DPP6: variants seen among roughly 807,000 people sequenced by gnomAD.
The protein encoded by DPP6 is A-type potassium channel modulatory protein DPP6.
A neutral mutation model predicts 122.6 loss-of-function variants in DPP6; 69 were observed. That is an observed-to-expected ratio of 0.56 (90% CI 0.46 to 0.69). The LOEUF is 0.69. DPP6 is among the 30% of genes least tolerant of loss of function. The pLI is 0.00. For missense variants in DPP6, 928 were observed against 1,116.9 expected (o/e 0.83, Z 2.41); for synonymous variants, 418 against 433.1 (o/e 0.97, Z 0.43).
At chr7:154,465,412 A>C (rs1213211099) in intron 2 of DPP6, among the ~76,000 whole-genome samples, 3 of 152,138 alleles carry the variant, frequency 2.0e-5, no homozygotes, top group Non-Finnish European at 2.9e-5. Flanking sequence ...TATCTTCAAG[A>C]GTGAACAGGC....
intron 1 of DPP6, among the ~76,000 whole-genome samples, chr7:154,010,298 C>T (rs1798100953): frequency 6.6e-6 from 1 of 152,258 alleles, no homozygotes; most frequent in African/African-American, 2.4e-5. Flanking sequence ...TTCATCTGAG[C>T]TATCAGGAAG....
intron 16 of DPP6, among the ~76,000 whole-genome samples, chr7:154,810,871 G>GA (rs1799016394): frequency 6.6e-6 from 1 of 152,170 alleles, no homozygotes; most frequent in Non-Finnish European, 1.5e-5. Flanking sequence ...CCAATGCCTG[G>GA]ATCCCTATAA....
In DPP6 at chr7:154,111,637, G is replaced by GTGTA. The variant is rs951820073; in HGVS notation, c.243+58577_243+58578insATGT. On this transcript the variant is annotated intron_variant, in intron 1 of 25. Transcript: ENST00000377770. ...CAGGGTTTCGTGTGTGTGTGTGTGT[G>GTGTA]TGTGTGTGTGTGTGTGTGTGTTGCT... 8.8e-5 allele frequency among the ~76,000 whole-genome samples: 13 copies of GTGTA among 148,128 alleles called. No homozygotes were observed. The East Asian group carries it at 2.0e-3, about 22-fold the overall frequency.
Position 154,727,806 on chromosome 7 carries a change from G to A in DPP6, c.802G>A (p.Val268Ile), listed in dbSNP as rs1468977486. Residue 268 changes from valine (V) to isoleucine (I), a missense_variant, in exon 8 of 26, where the codon GTC (valine) becomes ATC (isoleucine). Physicochemically the swap from Val to Ile is conservative, Grantham distance 29. Transcript: ENST00000377770. ...AAACAATATCTACTACTGTGCACAT[G>A]TCGGGAAACAGGCCATCCGTGTGGT... ...FENNIYYCAHVGKQAIRVVST... is the reference protein window; with the variant it reads ...FENNIYYCAHIGKQAIRVVST... 6.2e-7 allele frequency: 1 copy of A among 1,613,726 alleles called. No individual in the cohort carries two copies. The highest frequency in any genetic ancestry group is 1.3e-5 in the African/African-American group (1 of 74,878).
intron 1 of DPP6, among the ~76,000 whole-genome samples, chr7:153,956,966 AC>A (rs1346702053): frequency 7.2e-5 from 11 of 152,196 alleles, no homozygotes; most frequent in African/African-American, 2.7e-4. Context: ...AAATTCCGAA[AC>A]CCAGATATGT....
chr7:154,789,550 T>C (rs1797544837), intron 10 of DPP6, among the ~76,000 whole-genome samples: 1 of 152,242 alleles, frequency 6.6e-6, no homozygotes, highest in South Asian at 2.1e-4. Context: ...AATGGCATTG[T>C]GACTTTTCAT....
chr7:153,854,380 CA>C, the DPP6 span, among the ~76,000 whole-genome samples: 1 of 151,810 alleles, frequency 6.6e-6, no homozygotes, highest in Non-Finnish European at 1.5e-5. Flanking sequence ...TGAACTCCAA[CA>C]AATTTACAAG....
At chr7:154,211,791 G>A (rs1047386552) in intron 1 of DPP6, among the ~76,000 whole-genome samples, 2 of 152,178 alleles carry the variant, frequency 1.3e-5, no homozygotes, top group African/African-American at 4.8e-5. Context: ...TCTCCTCTGT[G>A]TCTGTGCTGG....
At chr7:154,149,717 A>T (rs1373040339) in intron 1 of DPP6, among the ~76,000 whole-genome samples, 1 of 152,246 alleles carries the variant, frequency 6.6e-6, no homozygotes, top group Non-Finnish European at 1.5e-5. Flanking sequence ...CTGCTAGGAT[A>T]TGAATCCCAA....
chr7:153,964,978 C>CCCTCCCTT (rs1795606849), intron 1 of DPP6, among the ~76,000 whole-genome samples: 7 of 71,224 alleles, frequency 9.8e-5, no homozygotes, highest in African/African-American at 5.9e-4. Context: ...CATTTCTTTT[C>CCCTCCCTT]CCTTCCTTCC....
At chr7:153,997,033 C>T (rs1270721303) in intron 1 of DPP6, among the ~76,000 whole-genome samples, 1 of 148,468 alleles carries the variant, frequency 6.7e-6, no homozygotes, top group Non-Finnish European at 1.5e-5. Flanking sequence ...CTTTATGCCT[C>T]TCTCTCTCTC....
intron 5 of DPP6, among the ~76,000 whole-genome samples, chr7:154,634,770 GT>G (rs1835637780): frequency 3.3e-5 from 5 of 150,828 alleles, no homozygotes; most frequent in African/African-American, 1.2e-4. Context: ...TGCTCTCCCC[GT>G]TTCTTATGAG....
intron 8 of DPP6, among the ~76,000 whole-genome samples, chr7:154,752,610 C>A (rs139709452): frequency 1.1e-3 from 166 of 152,290 alleles, no homozygotes; most frequent in African/African-American, 3.8e-3. Flanking sequence ...AGGCCTCACC[C>A]TTCTGGGATC....
At chr7:154,061,384 T>G (rs1472621576) in intron 1 of DPP6, among the ~76,000 whole-genome samples, 1 of 147,032 alleles carries the variant, frequency 6.8e-6, no homozygotes, top group Non-Finnish European at 1.5e-5. Flanking sequence ...GCAGCTGGAC[T>G]TTTAACCCAA....
intron 5 of DPP6, among the ~76,000 whole-genome samples, chr7:154,577,843 A>G (rs1231044580): frequency 6.6e-6 from 1 of 152,220 alleles, no homozygotes; most frequent in Non-Finnish European, 1.5e-5. Context: ...CTCAAAAGCA[A>G]TTAATATAGA....
At chr7:154,029,818 C>T (rs1799139025) in intron 1 of DPP6, among the ~76,000 whole-genome samples, 1 of 150,942 alleles carries the variant, frequency 6.6e-6, no homozygotes. Flanking sequence ...TACACTCCAA[C>T]CTGGGTGACA....
chr7:153,864,439 G>A, the DPP6 span, among the ~76,000 whole-genome samples: 1 of 152,020 alleles, frequency 6.6e-6, no homozygotes, highest in Non-Finnish European at 1.5e-5. Context: ...TGGATCACCT[G>A]AGGTCATGAG....
intron 1 of DPP6, among the ~76,000 whole-genome samples, chr7:154,076,530 A>G (rs1803564844): frequency 6.6e-6 from 1 of 151,100 alleles, no homozygotes; most frequent in African/African-American, 2.4e-5. Flanking sequence ...AGAGCAGATA[A>G]TACAGAAGAA....
intron 24 of DPP6, 44 bp downstream of exon 24, chr7:154,889,388 C>A: frequency 6.2e-7 from 1 of 1,609,260 alleles, no homozygotes; most frequent in South Asian, 1.1e-5. Flanking sequence ...TAGTAAGAGC[C>A]TCCTCCTTGA....
Sources: allele counts gnomAD v4.1 joint callset (sites outside exome capture counted in the v4.1 genomes callset), GRCh38; gene constraint gnomAD v4.1.1; transcripts MANE v1.5; gene names NCBI Gene and HGNC (gene_info 2026-07-23, HGNC 2026-07-21).